KIFC3: variants seen among roughly 807,000 people sequenced by gnomAD.
KIFC3 encodes the protein kinesin family member C3, also known as kinesin-like protein KIFC3.
Under a neutral mutation model 101.8 loss-of-function variants are expected in KIFC3, and 60 were observed. The observed-to-expected ratio is 0.59, with a 90% CI of 0.48 to 0.73. KIFC3 has a LOEUF of 0.73. KIFC3 is among the 30% of genes least tolerant of loss of function. The pLI is 0.00. For synonymous variants in KIFC3, 476 were observed against 482.7 expected, an observed-to-expected ratio of 0.99 and a Z score of 0.18; for missense variants, 966 against 1,137.1, an observed-to-expected ratio of 0.85 and a Z score of 2.16.
intron 3 of KIFC3, chr16:57,774,706 A>C: frequency 8.4e-6 from 3 of 355,056 alleles, no homozygotes. Context: ...TTTTTTTTTT[A>C]ATGTATAGAA....
chr16:57,775,216 G>C (rs911973297), intron 3 of KIFC3: 1 of 1,323,280 alleles, frequency 7.6e-7, no homozygotes, highest in East Asian at 3.0e-5. Context: ...GGGCAGGCTG[G>C]GGAGCATGGG....
At chr16:57,784,388 G>A (rs2053100338) in intron 3 of KIFC3, among the ~76,000 whole-genome samples, 1 of 152,228 alleles carries the variant, frequency 6.6e-6, no homozygotes, top group African/African-American at 2.4e-5. Flanking sequence ...CTCAGCAAGG[G>A]GCAGGTGGGC....
At chr16:57,832,240 C>T (rs782694373) in intron 1 of KIFC3, among the ~76,000 whole-genome samples, 10 of 149,502 alleles carry the variant, frequency 6.7e-5, no homozygotes, top group Non-Finnish European at 1.2e-4. Context: ...AGGCTGGACT[C>T]GAACTCCTGA....
chr16:57,804,363 G>A (rs781785858), upstream of KIFC3, among the ~76,000 whole-genome samples: 1 of 152,054 alleles, frequency 6.6e-6, no homozygotes, highest in African/African-American at 2.4e-5. Context: ...CAGGACACCC[G>A]TGTTTCAGGA....
At chr16:57,855,082 A>T (rs1311810932) in intron 1 of KIFC3, among the ~76,000 whole-genome samples, 1 of 151,674 alleles carries the variant, frequency 6.6e-6, no homozygotes, top group South Asian at 2.1e-4. Context: ...AAAACAAAAT[A>T]AAAAAGGTGA....
At chr16:57,802,939 A>C (rs2054834450), upstream of KIFC3, 6 of 1,529,200 alleles carry the variant, frequency 3.9e-6, no homozygotes, top group Admixed American at 2.0e-5. This position sits in a 1 kb window ranked among gnomAD's most constrained non-coding sequence, Gnocchi z 5.0. Flanking sequence ...CCATCCCAAC[A>C]CACACACAAG....
chr16:57,809,481 CA>C (rs1555627532), intron 1 of KIFC3, among the ~76,000 whole-genome samples: 1 of 152,144 alleles, frequency 6.6e-6, no homozygotes, highest in Non-Finnish European at 1.5e-5. Flanking sequence ...TAAATGGCTG[CA>C]TAATATTCCA....
intron 6 of KIFC3, among the ~76,000 whole-genome samples, chr16:57,770,952 A>C (rs2051103593): frequency 6.6e-6 from 1 of 152,198 alleles, no homozygotes; most frequent in African/African-American, 2.4e-5. Context: ...GAAAGGCAAA[A>C]AGACGAGGGC....
At chr16:57,814,944 G>A (rs8056154) in intron 1 of KIFC3, among the ~76,000 whole-genome samples, 2,658 of 152,158 alleles carry the variant, frequency 0.017, 81 homozygotes, top group African/African-American at 0.061. Flanking sequence ...TCTTTTGTCC[G>A]CTATAAAACC....
chr16:57,764,113 T>C (rs1555600389), intron 12 of KIFC3, 30 bp downstream of exon 12: 1 of 1,512,958 alleles, frequency 6.6e-7, no homozygotes, highest in Non-Finnish European at 9.2e-7. Context: ...TGCTTCACTG[T>C]GAACCCCCAC....
intron 16 of KIFC3, 78 bp downstream of exon 16, chr16:57,760,648 G>C (rs1555595497): frequency 7.4e-7 from 1 of 1,352,468 alleles, no homozygotes; most frequent in East Asian, 2.3e-5. Context: ...CATTTGCACA[G>C]CCTGGGGTGA....
chr16:57,798,049 G>A (rs2054478884), intron 2 of KIFC3, 23 bp downstream of exon 2: 4 of 1,582,414 alleles, frequency 2.5e-6, no homozygotes, highest in East Asian at 4.6e-5. Flanking sequence ...AAATAAAGAG[G>A]CATTTTAAAA....
chr16:57,822,771 G>A (rs189568838), intron 1 of KIFC3, among the ~76,000 whole-genome samples: 5 of 152,108 alleles, frequency 3.3e-5, no homozygotes, highest in African/African-American at 1.2e-4. Context: ...GAAAAACTCA[G>A]AGACTGTTCC....
intron 1 of KIFC3, among the ~76,000 whole-genome samples, chr16:57,856,684 T>C (rs247058): frequency 0.91 from 138,563 of 151,968 alleles, 63,168 homozygotes; most frequent in Middle Eastern, 0.97. Context: ...ACAGAAATTA[T>C]CAATATCAGA....
At chr16:57,794,339 C>T (rs986114177) in intron 3 of KIFC3, among the ~76,000 whole-genome samples, 1 of 151,356 alleles carries the variant, frequency 6.6e-6, no homozygotes, top group Non-Finnish European at 1.5e-5. Context: ...GATCCTCCCA[C>T]CCCAGCCTCC....
chr16:57,800,590 AG>A (rs2054654763), intron 1 of KIFC3, among the ~76,000 whole-genome samples: 1 of 152,210 alleles, frequency 6.6e-6, no homozygotes, highest in African/African-American at 2.4e-5. Context: ...GAAGACTTTC[AG>A]GGAGATCAGC....
rs868931286 is a variant in KIFC3, at chr16:57,762,219, A to C, written c.1669T>G (p.Ser557Ala). Residue 557 changes from serine (S) to alanine (A), a missense_variant, in exon 13 of 20, where the codon TCC becomes GCC. By Grantham distance (99) the Ser-to-Ala change is moderately conservative. This residue lies in a region of KIFC3 where 689 missense variants were observed against 884.6 expected (regional missense o/e 0.78). Coordinates refer to ENST00000445690, the MANE Select transcript of KIFC3 (RefSeq NM_001130100.2). ...INQRALQLLF[S>A]EVQEKASDWE... is the part of the protein sequence containing the mutation. ...TCAGACGCCTTCTCCTGCACCTCGG[A>C]GAAGAGCAGCTGCAGGGCCCGCTGG... 3.1e-6 allele frequency: 5 copies of C among 1,607,714 alleles called. No individual in the cohort carries two copies. Among genetic ancestry groups the C allele is most frequent in the Middle Eastern group, 3.3e-4 (2 of 6,050 alleles).
Position 57,759,843 on chromosome 16 carries a change from G to A in KIFC3, c.2368-7C>T. The stretch of plus-strand genomic sequence containing the variant: ...TCTGACAAGCCGGCTCCCACTGTGA[G>A]CAGGGAAGGGCGGATGGGCGGGGGC... On this transcript the variant is annotated splice_region_variant and splice_polypyrimidine_tract_variant and intron_variant, in intron 17 of 19. Transcript: ENST00000445690. 1.2e-6 allele frequency: 2 copies of A among 1,601,024 alleles called. No individual in the cohort carries two copies. Among genetic ancestry groups the A allele is most frequent in the Non-Finnish European group, 1.7e-6 (2 of 1,174,236 alleles).
chr16:57,859,009 T>C (rs2056238230), intron 1 of KIFC3, among the ~76,000 whole-genome samples: 1 of 152,234 alleles, frequency 6.6e-6, no homozygotes, highest in African/African-American at 2.4e-5. Flanking sequence ...TTAATTGCTA[T>C]GTATATGAAG....
Sources: gnomAD v4.1 joint callset for allele counts (sites outside exome capture counted in the v4.1 genomes callset) on GRCh38, gnomAD v4.1.1 for gene constraint, gnomAD v4.1.1 regional missense constraint, Gnocchi (gnomAD v3.1) non-coding constraint, MANE v1.5 for transcripts, NCBI Gene and HGNC (gene_info 2026-07-23, HGNC 2026-07-21) for gene names.